RMND1: variants seen among roughly 807,000 people sequenced by gnomAD.
RMND1 encodes the protein required for meiotic nuclear division protein 1 homolog.
In RMND1, 41 loss-of-function variants were observed where a neutral mutation model predicts 54.0. The observed-to-expected ratio is 0.76, with a 90% CI of 0.59 to 0.98. RMND1 has a LOEUF of 0.98. Among genes scored for constraint, RMND1 ranks in the 50% least tolerant of loss-of-function variants. The pLI, the probability that RMND1 is intolerant of heterozygous loss-of-function variation, is 0.00. For synonymous variants in RMND1, 183 were observed against 181.7 expected (o/e 1.01, Z -0.06); for missense variants, 457 against 532.0 (o/e 0.86, Z 1.39).
chr6:151,407,625 T>C (rs965514447), intron 10 of RMND1, among the ~76,000 whole-genome samples: 10 of 152,106 alleles, frequency 6.6e-5, no homozygotes, highest in Admixed American at 5.2e-4. Flanking sequence ...AGAGTCCCTA[T>C]GGCCGGGTGC....
chr6:151,422,857 G>C (rs1780194064), intron 7 of RMND1, among the ~76,000 whole-genome samples: 1 of 152,128 alleles, frequency 6.6e-6, no homozygotes, highest in Non-Finnish European at 1.5e-5. Flanking sequence ...TGATTTTCTA[G>C]TATTACATCT....
At chr6:151,407,729 A>G (rs1779675210) in intron 10 of RMND1, among the ~76,000 whole-genome samples, 1 of 151,994 alleles carries the variant, frequency 6.6e-6, no homozygotes, top group Non-Finnish European at 1.5e-5. Context: ...AACAGGGTAA[A>G]ACCCCATCTC....
intron 2 of RMND1, chr6:151,436,758 A>T: frequency 2.2e-6 from 1 of 462,588 alleles, no homozygotes. Context: ...TCTTGAAAAG[A>T]ACTTGCTCCC....
At chr6:151,421,607 A>G (rs1780152492) in intron 8 of RMND1, among the ~76,000 whole-genome samples, 2 of 152,158 alleles carry the variant, frequency 1.3e-5, no homozygotes. Context: ...TCCGAAGTAT[A>G]ATTAGATTAC....
In RMND1 at chr6:151,413,110, C is replaced by T. The variant is rs564826023; in HGVS notation, c.1200+4169G>A. On this transcript the variant is annotated intron_variant, in intron 10 of 11. Coordinates refer to ENST00000444024, the MANE Select transcript of RMND1 (RefSeq NM_017909.4). Reference sequence around the variant, plus strand: ...CCTCAATCTAATAGCCTGAGAGGAACCAAATCCAGCCAATAACCACGAGTG... The same window carrying T: ...CCTCAATCTAATAGCCTGAGAGGAATCAAATCCAGCCAATAACCACGAGTG... Among the ~76,000 whole-genome samples the T allele has an allele frequency of 5.3e-5, 8 of 152,256 alleles. No homozygotes were observed. In the South Asian group the frequency reaches 1.5e-3, roughly 28 times the overall value.
At chr6:151,406,403 C>T (rs1336345241) in intron 10 of RMND1, among the ~76,000 whole-genome samples, 1 of 152,050 alleles carries the variant, frequency 6.6e-6, no homozygotes, top group African/African-American at 2.4e-5. Context: ...CCCTCTGTCG[C>T]CCAGGCCGGA....
At position 151,421,262 on chromosome 6, in the gene RMND1, A is replaced by C. The variant is rs755173080; in HGVS notation, c.1062T>G (p.Gly354=). The C allele has an allele frequency of 1.9e-6, 3 of 1,610,800 alleles. No individual in the cohort carries two copies. In the East Asian group the frequency reaches 6.7e-5, roughly 36 times the overall value. The change falls in exon 9 of 12, where the codon GGT becomes GGG. Residue 354 remains glycine (G), a synonymous_variant. Transcript: ENST00000444024. ...ACTTTTACCTTAGAGCAAAGAGTTCACCGATTTTCTGCATAACTTCTTCAT... is the reference window on the plus strand; with the variant it reads ...ACTTTTACCTTAGAGCAAAGAGTTCCCCGATTTTCTGCATAACTTCTTCAT... ...LSHEEVMQKI[G]ELFALRHRIN... is the part of the protein sequence containing the mutation.
intron 2 of RMND1, 41 bp from the exon 3 acceptor site, chr6:151,436,595 C>T (rs1211363972): frequency 1.2e-6 from 2 of 1,605,078 alleles, no homozygotes; most frequent in Non-Finnish European, 1.7e-6. Flanking sequence ...TACCAAGAGG[C>T]TGAAGCATCT....
rs568321662 is a variant in RMND1 at position 151,408,120 on chromosome 6, T to C, written c.1201-2284A>G. ...GGGTTATTGGGGGATGAAGGGAGCA[T>C]GTCAAGCATAGGAAACAGCATACAG... On this transcript the variant is annotated intron_variant, in intron 10 of 11. Coordinates refer to ENST00000444024, the MANE Select transcript of RMND1 (RefSeq NM_017909.4). 5.4e-4 allele frequency among the ~76,000 whole-genome samples: 82 copies of C among 152,000 alleles called. No individual in the cohort carries two copies. In the Middle Eastern group the frequency reaches 0.014, roughly 25 times the overall value.
At chr6:151,410,256 C>T (rs12525611) in intron 10 of RMND1, among the ~76,000 whole-genome samples, 1 of 152,038 alleles carries the variant, frequency 6.6e-6, no homozygotes, top group East Asian at 1.9e-4. Flanking sequence ...GGGGTCTCAC[C>T]ATGTTAGCCA....
At chr6:151,426,658 G>A (rs761262787) in intron 6 of RMND1, among the ~76,000 whole-genome samples, 2 of 152,142 alleles carry the variant, frequency 1.3e-5, no homozygotes, top group Non-Finnish European at 2.9e-5. Flanking sequence ...CCATTTTGGG[G>A]CTATACTACT....
At position 151,445,663 on chromosome 6, in the gene RMND1, A is replaced by G; in HGVS notation, c.149T>C (p.Leu50Ser). 1.2e-6 allele frequency: 2 copies of G among 1,614,174 alleles called. No individual in the cohort carries two copies. Among genetic ancestry groups the G allele is most frequent in the Non-Finnish European group, 8.5e-7 (1 of 1,180,030 alleles). ...TCSTLTIRQS[L>S]DLFLPDKTAS... ...TGTTTTATCAGGAAGGAACAAATCC[A>G]AGCTTTGACGTATTGTCAGTGTGCT... is the stretch of plus-strand genomic sequence containing the variant. The change falls in exon 2 of 12, where the codon TTG becomes TCG. Residue 50 changes from leucine to serine, a missense_variant. By Grantham distance (145) the Leu-to-Ser change is moderately radical. Coordinates refer to ENST00000444024, the MANE Select transcript of RMND1 (RefSeq NM_017909.4).
rs890070778 is a variant in RMND1, at chr6:151,450,891, G to T, written c.-15+1125C>A. 1.3e-4 allele frequency among the ~76,000 whole-genome samples: 20 copies of T among 152,142 alleles called. No individual in the cohort carries two copies. In the South Asian group the frequency reaches 2.9e-3, roughly 22 times the overall value. On this transcript the variant is annotated intron_variant, in intron 1 of 11. Transcript: ENST00000444024. ...CTTCTGCCTTGGGATCCTGCTAATC[G>T]GTGACCTTACCCCCAACCCTGTGCT...
chr6:151,407,868 G>A lies in RMND1; in HGVS notation c.1201-2032C>T, dbSNP rs377144442. 1.4e-4 allele frequency among the ~76,000 whole-genome samples: 22 copies of A among 152,130 alleles called. No individual in the cohort carries two copies. In the East Asian group the frequency reaches 3.7e-3, roughly 26 times the overall value. ...GGAGCTTGCAGTGAGCCAAGATCGC[G>A]CCACTGCACTCCAGCCTGGGCGACA... On this transcript the variant is annotated intron_variant, in intron 10 of 11. Transcript: ENST00000444024.
In RMND1 at chr6:151,445,511, A is replaced by C. The variant is rs144414751; in HGVS notation, c.301T>G (p.Phe101Val). The change falls in exon 2 of 12, where the codon TTT becomes GTT. Residue 101 changes from phenylalanine (F) to valine (V), a missense_variant. By Grantham distance (50) the Phe-to-Val change is conservative. Transcript: ENST00000444024. ...EKAHLPTMKS[F>V]GTHRRVTHKP... ...TGGGTCACTCTCCTGTGAGTACCAA[A>C]GGATTTCATGGTTGGAAGGTGTGCC... 1 of 1,614,168 alleles carries C rather than the reference A, an allele frequency of 6.2e-7. No homozygotes were observed. Among genetic ancestry groups the C allele is most frequent in the Non-Finnish European group, 8.5e-7 (1 of 1,180,062 alleles).
rs751276713 is a variant in RMND1, at chr6:151,423,668, A to G, written c.831-37T>C. 7 of 1,370,052 alleles carry G rather than the reference A, an allele frequency of 5.1e-6. No homozygotes were observed. In the South Asian group the frequency reaches 5.8e-5, roughly 11 times the overall value. 84.9% of individuals were successfully genotyped at this position (1,370,052 alleles called of 1,614,324 possible). On this transcript the variant is annotated intron_variant, in intron 6 of 11. Coordinates refer to ENST00000444024, the MANE Select transcript of RMND1 (RefSeq NM_017909.4). ...AAAAAGATAATACCTTCTAAATCTTAAAAAGCACTTTAACTTTTCCTTTGA... is the reference window on the plus strand; with the variant it reads ...AAAAAGATAATACCTTCTAAATCTTGAAAAGCACTTTAACTTTTCCTTTGA...
intron 10 of RMND1, among the ~76,000 whole-genome samples, chr6:151,409,924 T>C (rs562659598): frequency 6.6e-6 from 1 of 152,344 alleles, no homozygotes; most frequent in African/African-American, 2.4e-5. Flanking sequence ...CATGACACTG[T>C]GTAACTGCTC....
chr6:151,405,285 G>C lies in RMND1; in HGVS notation c.1318-18C>G. The C allele has an allele frequency of 1.2e-6, 2 of 1,610,350 alleles. No homozygotes were observed. The highest frequency in any genetic ancestry group is 1.7e-6 in the Non-Finnish European group (2 of 1,176,916). ...AACATTACCTTAGAATAGAAAGTGA[G>C]AATTATTTCATGACGGGCAAATTAT... On this transcript the variant is annotated intron_variant, in intron 11 of 11. Coordinates refer to ENST00000444024, the MANE Select transcript of RMND1 (RefSeq NM_017909.4).
chr6:151,440,082 G>A (rs770641409), intron 2 of RMND1, among the ~76,000 whole-genome samples: 2 of 151,936 alleles, frequency 1.3e-5, no homozygotes, highest in African/African-American at 2.4e-5. Context: ...TCAACCTCCC[G>A]AGTAGCTAGG....
Sources: gnomAD v4.1 joint callset for allele counts (sites outside exome capture counted in the v4.1 genomes callset) on GRCh38, gnomAD v4.1.1 for gene constraint, MANE v1.5 for transcripts, NCBI Gene and HGNC (gene_info 2026-07-23, HGNC 2026-07-21) for gene names.